The following TNFAIP8L3 variants were observed in gnomAD, a reference collection of about 807,000 sequenced individuals.
TNFAIP8L3 encodes tumor necrosis factor alpha-induced protein 8-like protein 3.
In TNFAIP8L3, 7 loss-of-function variants were observed where a neutral mutation model predicts 11.8. The observed-to-expected ratio is 0.59, with a 90% CI of 0.34 to 1.11. TNFAIP8L3 has a LOEUF of 1.11. TNFAIP8L3 is among the 50% of genes most tolerant of loss of function. The probability of loss-of-function intolerance (pLI) is 0.03; values close to 1 mark genes in which losing one functional copy is unlikely to be tolerated. For missense variants in TNFAIP8L3, 219 were observed against 258.6 expected, an observed-to-expected ratio of 0.85 and a Z score of 1.05; for synonymous variants, 98 against 103.8, an observed-to-expected ratio of 0.94 and a Z score of 0.34.
At chr15:51,064,440 A>G (rs1046480316) in intron 1 of TNFAIP8L3, among the ~76,000 whole-genome samples, 32 of 152,098 alleles carry the variant, frequency 2.1e-4, no homozygotes, top group African/African-American at 7.5e-4. Context: ...TTAGTCCACC[A>G]CTTCTCAAAT....
chr15:51,099,728 T>C (rs1191066643), upstream of TNFAIP8L3, among the ~76,000 whole-genome samples: 1 of 152,152 alleles, frequency 6.6e-6, no homozygotes, highest in African/African-American at 2.4e-5. Context: ...CTCTGCCCAG[T>C]GCCTTCCCAT....
At chr15:51,097,700 G>C (rs1419377428), upstream of TNFAIP8L3, among the ~76,000 whole-genome samples, 1 of 152,194 alleles carries the variant, frequency 6.6e-6, no homozygotes, top group African/African-American at 2.4e-5. Flanking sequence ...AGGAACATTA[G>C]TGGAACATAC....
At chr15:51,058,767 CAG>C (rs1417695096) in intron 1 of TNFAIP8L3, among the ~76,000 whole-genome samples, 1 of 152,234 alleles carries the variant, frequency 6.6e-6, no homozygotes, top group Non-Finnish European at 1.5e-5. Context: ...TACTAGCTCA[CAG>C]AGAACACTCT....
upstream of TNFAIP8L3, among the ~76,000 whole-genome samples, chr15:51,099,878 A>G (rs111329855): frequency 0.012 from 1,773 of 152,302 alleles, 37 homozygotes; most frequent in African/African-American, 0.041. Context: ...AAAGTACCCA[A>G]AGACTGGGTG....
chr15:51,061,907 A>G (rs1429294022), intron 1 of TNFAIP8L3, among the ~76,000 whole-genome samples: 4 of 152,178 alleles, frequency 2.6e-5, no homozygotes, highest in African/African-American at 9.7e-5. Flanking sequence ...TTACCAAAAG[A>G]ATCATCATTG....
At chr15:51,088,231 T>C (rs937078136) in intron 1 of TNFAIP8L3, among the ~76,000 whole-genome samples, 5 of 152,034 alleles carry the variant, frequency 3.3e-5, no homozygotes, top group African/African-American at 1.2e-4. Flanking sequence ...ACTATGCTAA[T>C]AGAAAGTGTG....
chr15:51,084,183 G>GGTGTGT (rs59399155), intron 1 of TNFAIP8L3, among the ~76,000 whole-genome samples: 13 of 150,514 alleles, frequency 8.6e-5, no homozygotes, highest in East Asian at 7.8e-4. Context: ...GATGTATAGG[G>GGTGTGT]GTGTGTGTGT....
upstream of TNFAIP8L3, among the ~76,000 whole-genome samples, chr15:51,097,635 T>C (rs1302029803): frequency 6.6e-6 from 1 of 152,224 alleles, no homozygotes; most frequent in African/African-American, 2.4e-5. Flanking sequence ...CAATCTGTTG[T>C]CATGGGACAG....
chr15:51,104,951 A>C (rs895689162), intron 1 of TNFAIP8L3: 18 of 1,610,904 alleles, frequency 1.1e-5, no homozygotes, highest in Non-Finnish European at 1.5e-5. Context: ...TGCTTTGCAC[A>C]AGCCTCCCCG....
At chr15:51,083,533 C>A (rs1236934885) in intron 1 of TNFAIP8L3, among the ~76,000 whole-genome samples, 1 of 152,212 alleles carries the variant, frequency 6.6e-6, no homozygotes, top group African/African-American at 2.4e-5. Flanking sequence ...GGACCCCCTG[C>A]CAGCCAGCGA....
At chr15:51,070,834 C>G (rs1344828808) in intron 1 of TNFAIP8L3, among the ~76,000 whole-genome samples, 2 of 150,804 alleles carry the variant, frequency 1.3e-5, no homozygotes, top group Non-Finnish European at 3.0e-5. Flanking sequence ...ATCACGAGGT[C>G]AGGAGATCGA....
chr15:51,064,423 G>A (rs944746307), intron 1 of TNFAIP8L3, among the ~76,000 whole-genome samples: 3 of 152,032 alleles, frequency 2.0e-5, no homozygotes, highest in African/African-American at 7.3e-5. Flanking sequence ...TACCTGCATA[G>A]TTTTGTTTAG....
intron 1 of TNFAIP8L3, among the ~76,000 whole-genome samples, chr15:51,059,612 C>T (rs186988315): frequency 2.0e-5 from 3 of 152,334 alleles, no homozygotes; most frequent in Admixed American, 2.0e-4. Context: ...CAATGTCTCC[C>T]ACAGCACCTA....
chr15:51,091,181 G>A (rs2065466564), intron 1 of TNFAIP8L3, among the ~76,000 whole-genome samples: 1 of 152,178 alleles, frequency 6.6e-6, no homozygotes, highest in South Asian at 2.1e-4. Context: ...TGACATAGAA[G>A]CATCATTCTG....
chr15:51,069,876 C>G (rs1000137542), intron 1 of TNFAIP8L3, among the ~76,000 whole-genome samples: 1 of 152,208 alleles, frequency 6.6e-6, no homozygotes, highest in African/African-American at 2.4e-5. Flanking sequence ...CATCTGCCTT[C>G]GAAAAATTCC....
chr15:51,067,213 A>C (rs1328388751), intron 1 of TNFAIP8L3, among the ~76,000 whole-genome samples: 1 of 152,222 alleles, frequency 6.6e-6, no homozygotes, highest in African/African-American at 2.4e-5. Flanking sequence ...TAGAAGGGTT[A>C]GGGAATGGAT....
At chr15:51,069,031 G>A (rs2065290852) in intron 1 of TNFAIP8L3, among the ~76,000 whole-genome samples, 1 of 152,138 alleles carries the variant, frequency 6.6e-6, no homozygotes, top group African/African-American at 2.4e-5. Flanking sequence ...AGGCAGGCTT[G>A]GGTGCAATAG....
chr15:51,095,486 G>A (rs1235085856), upstream of TNFAIP8L3, among the ~76,000 whole-genome samples: 1 of 152,116 alleles, frequency 6.6e-6, no homozygotes, highest in African/African-American at 2.4e-5. Context: ...GGCTCGGTGA[G>A]TCTGAACACT....
chr15:51,105,270 A>G, exon 1 of TNFAIP8L3: 2 of 1,349,296 alleles, frequency 1.5e-6, no homozygotes, highest in Non-Finnish European at 2.0e-6. Context: ...AGGTAAGACT[A>G]GCAAGTCAGT....
Sources: gnomAD v4.1 joint callset for allele counts (sites outside exome capture counted in the v4.1 genomes callset) on GRCh38, gnomAD v4.1.1 for gene constraint, MANE v1.5 for transcripts, NCBI Gene and HGNC (gene_info 2026-07-23, HGNC 2026-07-21) for gene names.